The following MMRN1 variants were observed in gnomAD, a reference collection of about 807,000 sequenced individuals.
MMRN1 encodes the protein multimerin-1.
A neutral mutation model predicts 100.7 loss-of-function variants in MMRN1; 94 were observed. The ratio of observed to expected loss-of-function variants is 0.93; its 90% CI spans 0.79 to 1.11. The LOEUF (loss-of-function observed/expected upper bound fraction) is 1.11, where lower values mean the gene tolerates loss of function less well. Among genes scored for constraint, MMRN1 ranks in the 50% least tolerant of loss-of-function variants. MMRN1 has a pLI of 0.00. For synonymous variants in MMRN1, 575 were observed against 505.0 expected (o/e 1.14, Z -1.86); for missense variants, 1,606 against 1,439.1 (o/e 1.12, Z -1.88).
intron 3 of MMRN1, among the ~76,000 whole-genome samples, chr4:89,920,267 G>C (rs2110610454): frequency 6.6e-6 from 1 of 152,228 alleles, no homozygotes; most frequent in East Asian, 1.9e-4. Context: ...CACAATCATG[G>C]AGTTGGGGAA....
intron 1 of MMRN1, among the ~76,000 whole-genome samples, chr4:89,885,619 C>A (rs545401743): frequency 1.3e-5 from 2 of 152,044 alleles, no homozygotes; most frequent in Admixed American, 1.3e-4. Flanking sequence ...TCTCTTTCTA[C>A]CAGTTTTAGT....
chr4:89,945,334 T>A (rs1722955835), intron 6 of MMRN1, among the ~76,000 whole-genome samples: 1 of 152,144 alleles, frequency 6.6e-6, no homozygotes, highest in South Asian at 2.1e-4. Context: ...TGTATGAATG[T>A]CAGTTTTTGT....
At chr4:89,890,831 T>A (rs1287299401), upstream of MMRN1, among the ~76,000 whole-genome samples, 1 of 152,118 alleles carries the variant, frequency 6.6e-6, no homozygotes, top group Admixed American at 6.5e-5. Context: ...ATGTTCCTTA[T>A]GATCTTATAA....
chr4:89,937,512 C>A (rs938913138), intron 6 of MMRN1, among the ~76,000 whole-genome samples: 2 of 151,976 alleles, frequency 1.3e-5, no homozygotes, highest in African/African-American at 4.8e-5. Flanking sequence ...GGGAGAGTGG[C>A]AAGAAAAATG....
At chr4:89,885,144 T>A (rs1297284647) in intron 1 of MMRN1, among the ~76,000 whole-genome samples, 2 of 138,756 alleles carry the variant, frequency 1.4e-5, no homozygotes, top group African/African-American at 5.2e-5. Context: ...CCTTCCTCCC[T>A]TCCTTCCTTC....
chr4:89,890,806 G>A (rs1184404081), upstream of MMRN1, among the ~76,000 whole-genome samples: 1 of 151,822 alleles, frequency 6.6e-6, no homozygotes, highest in East Asian at 1.9e-4. Flanking sequence ...GGGGCATTTG[G>A]TCATCTTTAT....
rs751349322 is a variant in MMRN1, at chr4:89,895,090, C to A, written c.119C>A (p.Pro40His). 6.2e-7 allele frequency: 1 copy of A among 1,613,886 alleles called. No individual in the cohort carries two copies. The highest frequency in any genetic ancestry group is 1.1e-5 in the South Asian group (1 of 91,084). Residue 40 changes from proline to histidine, a missense_variant, in exon 1 of 8, where the codon CCT (proline) becomes CAT (histidine). Transcript: ENST00000264790. Reference protein sequence around the residue: ...PEDGNSQKTMPSASVPPNKIQ... With the variant: ...PEDGNSQKTMHSASVPPNKIQ... ...GATGGGAACTCTCAGAAGACTATGC[C>A]TTCTGCTTCAGTTCCTCCAAATAAA...
At chr4:89,934,396 A>T (rs1426505411) in intron 5 of MMRN1, among the ~76,000 whole-genome samples, 1 of 152,150 alleles carries the variant, frequency 6.6e-6, no homozygotes, top group Admixed American at 6.6e-5. Flanking sequence ...ATTAGTAGAA[A>T]CCTAACAACA....
rs115471099 is a variant in MMRN1, at chr4:89,911,915, G to A, written c.744-29G>A. On this transcript the variant is annotated intron_variant, in intron 2 of 7. Coordinates refer to ENST00000264790, the MANE Select transcript of MMRN1 (RefSeq NM_007351.3). ...ATAATTTAATGTGAAACAAATAATC[G>A]ATTTCCCTCCAATTGCTCAACTCTC... The A allele has an allele frequency of 6.8e-4, 971 of 1,419,462 alleles. 1 individual carries two copies. The African/African-American group carries it at 9.5e-3, about 14-fold the overall frequency. 87.9% of individuals were successfully genotyped at this position (1,419,462 alleles called of 1,614,324 possible).
chr4:89,942,950 A>T (rs1035910576), intron 6 of MMRN1, among the ~76,000 whole-genome samples: 2 of 152,110 alleles, frequency 1.3e-5, no homozygotes, highest in Non-Finnish European at 2.9e-5. Flanking sequence ...GAGTGTTAAG[A>T]TTTGAAATTT....
At chr4:89,918,187 A>G (rs1219523203) in intron 3 of MMRN1, among the ~76,000 whole-genome samples, 1 of 151,062 alleles carries the variant, frequency 6.6e-6, no homozygotes, top group Non-Finnish European at 1.5e-5. Flanking sequence ...AATAGAATAT[A>G]TAAGTTTCAA....
intron 7 of MMRN1, among the ~76,000 whole-genome samples, chr4:89,952,231 A>G (rs1305299251): frequency 6.6e-6 from 1 of 152,206 alleles, no homozygotes. Context: ...CTGTTAGAAC[A>G]TGCTCAAATG....
At chr4:89,904,821 A>T (rs1721511280) in intron 1 of MMRN1, among the ~76,000 whole-genome samples, 1 of 151,660 alleles carries the variant, frequency 6.6e-6, no homozygotes, top group South Asian at 2.1e-4. Flanking sequence ...TTCTATTTTT[A>T]TTGACTTAGG....
At chr4:89,911,469 A>G (rs1457230304) in intron 2 of MMRN1, among the ~76,000 whole-genome samples, 1 of 151,354 alleles carries the variant, frequency 6.6e-6, no homozygotes, top group Non-Finnish European at 1.5e-5. Context: ...TGGGAAAATG[A>G]TAGTGGTTGT....
intron 1 of MMRN1, among the ~76,000 whole-genome samples, chr4:89,879,995 G>A (rs991208065): frequency 2.0e-5 from 3 of 152,162 alleles, no homozygotes; most frequent in African/African-American, 7.2e-5. Context: ...TAATTTTACA[G>A]ATATTCTGAC....
At chr4:89,901,828 A>T (rs1391694794) in intron 1 of MMRN1, among the ~76,000 whole-genome samples, 3 of 152,052 alleles carry the variant, frequency 2.0e-5, no homozygotes, top group Admixed American at 2.0e-4. Flanking sequence ...ATGAGTGCTT[A>T]TATATTCCTA....
chr4:89,934,837 T>A lies in MMRN1; in HGVS notation c.1157T>A (p.Leu386Gln). ...CTAAAATCCAAAAGCATTAATGTAC[T>A]GATAAGAGACATAGTAAGAGAACAA... is the stretch of plus-strand genomic sequence containing the variant. ...KGLKSKSINV[L>Q]IRDIVREQFK... is the part of the protein sequence containing the mutation. The change falls in exon 6 of 8, where the codon CTG becomes CAG. Residue 386 changes from leucine (L) to glutamine (Q), a missense_variant. Transcript: ENST00000264790. 6.5e-7 allele frequency: 1 copy of A among 1,541,760 alleles called. No homozygotes were observed. The highest frequency in any genetic ancestry group is 8.7e-7 in the Non-Finnish European group (1 of 1,146,176).
chr4:89,912,651 GCTTT>G, intron 3 of MMRN1, among the ~76,000 whole-genome samples: 1 of 150,380 alleles, frequency 6.6e-6, no homozygotes, highest in Non-Finnish European at 1.5e-5. Flanking sequence ...TTTGCTTTTG[GCTTT>G]AAACAGGTTT....
At chr4:89,882,042 G>T (rs976080010) in intron 1 of MMRN1, among the ~76,000 whole-genome samples, 2 of 151,730 alleles carry the variant, frequency 1.3e-5, no homozygotes, top group Non-Finnish European at 2.9e-5. Flanking sequence ...GAAAGATTAC[G>T]TTAGTATTTT....
Sources: allele counts gnomAD v4.1 joint callset (sites outside exome capture counted in the v4.1 genomes callset), GRCh38; gene constraint gnomAD v4.1.1; transcripts MANE v1.5; gene names NCBI Gene and HGNC (gene_info 2026-07-23, HGNC 2026-07-21).